CEP76: variants seen among roughly 807,000 people sequenced by gnomAD.
CEP76 encodes the protein centrosomal protein of 76 kDa.
CEP76 carries 55 observed loss-of-function variants against 83.3 expected under a neutral mutation model. That is an observed-to-expected ratio of 0.66 (90% CI 0.53 to 0.83). The LOEUF is 0.83. Ranked by LOEUF, CEP76 falls within the 40% of genes least tolerant of loss-of-function variation. The pLI is 0.00. For missense variants in CEP76, 694 were observed against 799.5 expected, an observed-to-expected ratio of 0.87 and a Z score of 1.59; for synonymous variants, 270 against 274.5, an observed-to-expected ratio of 0.98 and a Z score of 0.16.
In CEP76 at chr18:12,696,877, C is replaced by T. The variant is rs1204888013; in HGVS notation, c.706+346G>A. On this transcript the variant is annotated intron_variant, in intron 5 of 11. Coordinates refer to ENST00000262127, the MANE Select transcript of CEP76 (RefSeq NM_024899.4). ...GGGGATGTATTCCAGGGTGTGATGA[C>T]TGGACACACATAAGTTTGTATGTGT... Among the ~76,000 whole-genome samples the T allele has an allele frequency of 2.0e-5, 3 of 152,144 alleles. No individual in the cohort carries two copies. The South Asian group carries it at 6.2e-4, about 31-fold the overall frequency.
chr18:12,668,597 C>CAAAAAAAAAAAA (rs752216074), downstream of CEP76, among the ~76,000 whole-genome samples: 122 of 72,800 alleles, frequency 1.7e-3, 6 homozygotes, highest in Non-Finnish European at 2.3e-3. Flanking sequence ...GATTCCATCT[C>CAAAAAAAAAAAA]AAAAAAAAAA....
chr18:12,667,776 AAG>A (rs1438754133), downstream of CEP76, among the ~76,000 whole-genome samples: 13 of 149,884 alleles, frequency 8.7e-5, no homozygotes, highest in East Asian at 2.3e-3. Flanking sequence ...AAAAAAAAAA[AAG>A]AAAAGAAAAG....
chr18:12,662,191 G>GAAAA, intron 12 of CEP76: 3 of 390,066 alleles, frequency 7.7e-6, no homozygotes, highest in East Asian at 7.8e-5. Context: ...CACCAGAAAG[G>GAAAA]AAAAAAAAAA....
intron 9 of CEP76, among the ~76,000 whole-genome samples, chr18:12,679,947 G>A (rs1022425777): frequency 2.0e-5 from 3 of 151,624 alleles, no homozygotes; most frequent in Admixed American, 6.6e-5. Flanking sequence ...TCCCAGCTAC[G>A]CAAGAGGCTG....
chr18:12,689,280 A>AAGC (rs35205638), intron 7 of CEP76, among the ~76,000 whole-genome samples: 59,278 of 151,842 alleles, frequency 0.39, 11,944 homozygotes, highest in Non-Finnish European at 0.45. Flanking sequence ...CAAATACAGG[A>AAGC]AGCAGCAAGA....
chr18:12,697,337 T>C lies in CEP76; in HGVS notation c.592A>G (p.Lys198Glu). 6.2e-7 allele frequency: 1 copy of C among 1,613,908 alleles called. No homozygotes were observed. Among genetic ancestry groups the C allele is most frequent in the Non-Finnish European group, 8.5e-7 (1 of 1,179,854 alleles). ...ISDPIHMVLI[K>E]TDIFGETTLV... is the part of the protein sequence containing the mutation. ...GTCGTCTCACCAAATATGTCTGTTT[T>C]GATTAGCACCATATGAATTGGATCA... The change falls in exon 5 of 12, where the codon AAA (lysine) becomes GAA (glutamate). Residue 198 changes from lysine to glutamate, a missense_variant. By Grantham distance (56) the Lys-to-Glu change is moderately conservative. Transcript: ENST00000262127.
intron 10 of CEP76, among the ~76,000 whole-genome samples, chr18:12,677,276 C>CA: frequency 6.6e-6 from 1 of 151,802 alleles, no homozygotes; most frequent in East Asian, 1.9e-4. Flanking sequence ...CCTATCTCTA[C>CA]AAAAAATACA....
In CEP76 at chr18:12,683,999, T is replaced by C. The variant is rs140587205; in HGVS notation, c.1122+2263A>G. 1.2e-3 allele frequency among the ~76,000 whole-genome samples: 174 copies of C among 150,102 alleles called. 1 individual carries two copies. Among genetic ancestry groups the C allele is most frequent in the African/African-American group, 3.8e-3 (157 of 41,160 alleles). ...GTAAAAAATCTAAATATATATATGATATATATCATATATATGATATCATAT... is the reference window on the plus strand; with the variant it reads ...GTAAAAAATCTAAATATATATATGACATATATCATATATATGATATCATAT... On this transcript the variant is annotated intron_variant, in intron 8 of 11. Coordinates refer to ENST00000262127, the MANE Select transcript of CEP76 (RefSeq NM_024899.4).
intron 10 of CEP76, among the ~76,000 whole-genome samples, chr18:12,675,517 TC>T (rs2144987285): frequency 6.6e-6 from 1 of 152,298 alleles, no homozygotes; most frequent in East Asian, 1.9e-4. Flanking sequence ...ACAAATTAAT[TC>T]TATGTGATTA....
intron 7 of CEP76, among the ~76,000 whole-genome samples, chr18:12,690,366 T>C (rs746124355): frequency 3.3e-5 from 5 of 152,172 alleles, no homozygotes; most frequent in Non-Finnish European, 5.9e-5. Context: ...ACTATACTTA[T>C]ATGAAAGCAT....
chr18:12,695,715 T>A (rs2039930728), intron 5 of CEP76, among the ~76,000 whole-genome samples: 1 of 152,092 alleles, frequency 6.6e-6, no homozygotes, highest in African/African-American at 2.4e-5. Context: ...ACACCTGGCT[T>A]TTCTAACAGG....
intron 12 of CEP76, among the ~76,000 whole-genome samples, chr18:12,662,792 A>AT (rs1203265956): frequency 4.0e-5 from 6 of 151,830 alleles, no homozygotes; most frequent in South Asian, 2.1e-4. Context: ...AAAGAAAAAC[A>AT]TTTTTTTTGA....
At chr18:12,684,074 G>T (rs536398734) in intron 8 of CEP76, among the ~76,000 whole-genome samples, 13 of 150,800 alleles carry the variant, frequency 8.6e-5, no homozygotes, top group African/African-American at 2.7e-4. Context: ...GTCCAGTTTG[G>T]AGTGCAGTGG....
chr18:12,680,937 G>A lies in CEP76; in HGVS notation c.1123-109C>T, dbSNP rs145154595. Reference sequence around the variant, plus strand: ...TTATTGGCTGGGCACAGTGGCTCACGCCTGTAATCCCAACACTTTGGGAGG... The same window carrying A: ...TTATTGGCTGGGCACAGTGGCTCACACCTGTAATCCCAACACTTTGGGAGG... On this transcript the variant is annotated intron_variant, in intron 8 of 11. Coordinates refer to ENST00000262127, the MANE Select transcript of CEP76 (RefSeq NM_024899.4). 19 of 1,026,474 alleles carry A rather than the reference G, an allele frequency of 1.9e-5. No individual in the cohort carries two copies. In the African/African-American group the frequency reaches 2.8e-4, roughly 15 times the overall value. The allele number at this position is 1,026,474 out of a possible 1,614,324, so 63.6% of individuals were successfully genotyped here. A position where few individuals can be genotyped will look rare whatever the true frequency, so the allele number is the denominator to read the frequency against.
At chr18:12,680,439 T>C (rs928453317) in intron 9 of CEP76, among the ~76,000 whole-genome samples, 1 of 151,128 alleles carries the variant, frequency 6.6e-6, no homozygotes, top group Admixed American at 6.6e-5. Context: ...CTACTAAAAA[T>C]ACAAAAATCA....
intron 8 of CEP76, among the ~76,000 whole-genome samples, chr18:12,683,116 C>T (rs111543105): frequency 2.7e-5 from 4 of 146,882 alleles, no homozygotes; most frequent in African/African-American, 1.0e-4. Context: ...GAGGCTGAAG[C>T]GGGCAGATCA....
Position 12,686,251 on chromosome 18 carries a change from G to A in CEP76, c.1122+11C>T, listed in dbSNP as rs1427348040. 42 of 1,590,430 alleles carry A rather than the reference G, an allele frequency of 2.6e-5. No individual in the cohort carries two copies. The highest frequency in any genetic ancestry group is 3.6e-5 in the Non-Finnish European group (42 of 1,161,538). Reference sequence around the variant, plus strand: ...ATACTGCTACTTAATTCTATTATGTGTGTATAATACCTTGTTTCTACAGAG... The same window carrying A: ...ATACTGCTACTTAATTCTATTATGTATGTATAATACCTTGTTTCTACAGAG... On this transcript the variant is annotated intron_variant, in intron 8 of 11. Transcript: ENST00000262127.
rs1246828746 is a variant in CEP76, at chr18:12,686,272, C to G, written c.1112G>C (p.Cys371Ser). 2.5e-6 allele frequency: 4 copies of G among 1,613,038 alleles called. No individual in the cohort carries two copies. Among genetic ancestry groups the G allele is most frequent in the Admixed American group, 1.7e-5 (1 of 59,860 alleles). Reference protein sequence around the residue: ...EQWCTLLAFLCRNKGDCEDHA... With the variant: ...EQWCTLLAFLSRNKGDCEDHA... ...ATGTGTGTATAATACCTTGTTTCTA[C>G]AGAGAAAGGCCAGCAGAGTGCACCA... The change falls in exon 8 of 12, where the codon TGT becomes TCT. Residue 371 changes from cysteine (C) to serine (S), a missense_variant. Cys to Ser is a moderately radical substitution (Grantham distance 112). Coordinates refer to ENST00000262127, the MANE Select transcript of CEP76 (RefSeq NM_024899.4).
chr18:12,672,976 G>A lies in CEP76; in HGVS notation c.*389C>T, dbSNP rs2038985384. The A allele has an allele frequency of 1.0e-6, 1 of 987,362 alleles. No homozygotes were observed. Among genetic ancestry groups the A allele is most frequent in the Non-Finnish European group, 1.2e-6 (1 of 830,858 alleles). The allele number at this position is 987,362 out of a possible 1,614,324, so 61.2% of individuals were successfully genotyped here. A position where few individuals can be genotyped will look rare whatever the true frequency, so the allele number is the denominator to read the frequency against. On this transcript the variant is annotated 3_prime_UTR_variant, in exon 12 of 12. Coordinates refer to ENST00000262127, the MANE Select transcript of CEP76 (RefSeq NM_024899.4). ...CTGTATAAAATAATTCCATTAACCT[G>A]TGAAAAGTAATGATCATACTGATTT... is the stretch of plus-strand genomic sequence containing the variant.
Sources: gnomAD v4.1 joint callset for allele counts (sites outside exome capture counted in the v4.1 genomes callset) on GRCh38, gnomAD v4.1.1 for gene constraint, MANE v1.5 for transcripts, NCBI Gene and HGNC (gene_info 2026-07-23, HGNC 2026-07-21) for gene names.